The following LARP1 variants were observed in gnomAD, a reference collection of about 807,000 sequenced individuals.
LARP1 encodes la-related protein 1.
Under a neutral mutation model 122.7 loss-of-function variants are expected in LARP1, and 36 were observed. The ratio of observed to expected loss-of-function variants is 0.29; its 90% CI spans 0.22 to 0.39. LARP1 has a LOEUF of 0.39. LARP1 is among the 10% of genes least tolerant of loss of function. The probability of loss-of-function intolerance (pLI) is 1.00; values close to 1 mark genes in which losing one functional copy is unlikely to be tolerated. For synonymous variants in LARP1, 539 were observed against 528.7 expected, an observed-to-expected ratio of 1.02 and a Z score of -0.27; for missense variants, 1,040 against 1,403.6, an observed-to-expected ratio of 0.74 and a Z score of 4.14.
intron 1 of LARP1, among the ~76,000 whole-genome samples, chr5:154,747,773 A>G (rs1582270902): frequency 6.6e-6 from 1 of 152,286 alleles, no homozygotes; most frequent in East Asian, 1.9e-4. Flanking sequence ...CTGAGGCAGG[A>G]GAATCGCTTG....
intron 1 of LARP1, among the ~76,000 whole-genome samples, chr5:154,779,541 T>C (rs1756233189): frequency 6.8e-6 from 1 of 146,080 alleles, no homozygotes. Context: ...AGAGTTTTGC[T>C]GTTGTTGCCC....
chr5:154,703,479 A>T (rs1341102064), intron 1 of LARP1, among the ~76,000 whole-genome samples: 1 of 151,898 alleles, frequency 6.6e-6, no homozygotes, highest in Non-Finnish European at 1.5e-5. Flanking sequence ...CAGGCTGGGC[A>T]TGGGGGCCTC....
intron 1 of LARP1, among the ~76,000 whole-genome samples, chr5:154,766,814 ACC>A (rs1754993911): frequency 1.3e-5 from 2 of 152,206 alleles, no homozygotes. Context: ...AGTTAGGCTT[ACC>A]CAGCCCAGTT....
At chr5:154,768,730 C>T (rs1219836069) in intron 1 of LARP1, among the ~76,000 whole-genome samples, 5 of 151,988 alleles carry the variant, frequency 3.3e-5, no homozygotes, top group African/African-American at 9.7e-5. Flanking sequence ...TACAGGCACG[C>T]GCCACCATGC....
At chr5:154,805,669 A>C in intron 14 of LARP1, 1 of 537,196 alleles carries the variant, frequency 1.9e-6, no homozygotes, top group Non-Finnish European at 3.3e-6. Flanking sequence ...TAATCTCTGT[A>C]AGCCTCAGTA....
chr5:154,783,303 G>A (rs1272686091), intron 1 of LARP1, among the ~76,000 whole-genome samples: 4 of 152,190 alleles, frequency 2.6e-5, no homozygotes, highest in Non-Finnish European at 5.9e-5. Context: ...CCAGAGTGCT[G>A]GAGTTAGACT....
chr5:154,707,702 T>G (rs1009728813), intron 1 of LARP1, among the ~76,000 whole-genome samples: 2 of 152,168 alleles, frequency 1.3e-5, no homozygotes, highest in East Asian at 3.8e-4. Context: ...TTTCTATTAT[T>G]ATTATATTGT....
intron 1 of LARP1, among the ~76,000 whole-genome samples, chr5:154,706,368 A>G (rs954417596): frequency 1.3e-5 from 2 of 151,700 alleles, no homozygotes; most frequent in African/African-American, 2.4e-5. Flanking sequence ...GGAATACTAC[A>G]CAGCCATACA....
intron 1 of LARP1, among the ~76,000 whole-genome samples, chr5:154,741,884 A>G (rs2113462709): frequency 6.6e-6 from 1 of 152,326 alleles, no homozygotes; most frequent in East Asian, 1.9e-4. Flanking sequence ...GGAGGTTTAC[A>G]AAAAACACAC....
chr5:154,702,004 C>T (rs529383006), intron 1 of LARP1, among the ~76,000 whole-genome samples: 8 of 152,056 alleles, frequency 5.3e-5, no homozygotes, highest in African/African-American at 1.9e-4. Context: ...GACAGGAGCT[C>T]CCACAGACAC....
At chr5:154,693,383 A>T (rs1561529147) in intron 1 of LARP1, among the ~76,000 whole-genome samples, 3 of 152,206 alleles carry the variant, frequency 2.0e-5, no homozygotes, top group Non-Finnish European at 4.4e-5. Flanking sequence ...AAAAAAGAAT[A>T]GGGAGAGGGC....
chr5:154,794,221 T>C lies in LARP1; in HGVS notation c.1191T>C (p.Ser397=), dbSNP rs1387481611. 3 of 1,614,166 alleles carry C rather than the reference T, an allele frequency of 1.9e-6. No homozygotes were observed. The highest frequency in any genetic ancestry group is 2.5e-6 in the Non-Finnish European group (3 of 1,180,032). ...ATGTCAGCAGCACCGAGCTTTACAGTGTGGATCAGGAACTGCTCAAAGACT... is the reference window on the plus strand; with the variant it reads ...ATGTCAGCAGCACCGAGCTTTACAGCGTGGATCAGGAACTGCTCAAAGACT... The part of the protein sequence containing the change: ...FDNVSSTELY[S]VDQELLKDYI... The change falls in exon 7 of 19, where the codon AGT becomes AGC. Residue 397 remains serine, a synonymous_variant. Transcript: ENST00000518297.
At chr5:154,710,331 G>A (rs1268726528), upstream of LARP1, among the ~76,000 whole-genome samples, 3 of 152,082 alleles carry the variant, frequency 2.0e-5, no homozygotes, top group South Asian at 6.2e-4. Context: ...ATACTGAGAG[G>A]CCAGGCACAG....
intron 1 of LARP1, among the ~76,000 whole-genome samples, chr5:154,720,490 G>A (rs1755797917): frequency 6.6e-6 from 1 of 152,142 alleles, no homozygotes; most frequent in African/African-American, 2.4e-5. Flanking sequence ...TGAGGTAGGA[G>A]GATCACTTGA....
intron 1 of LARP1, among the ~76,000 whole-genome samples, chr5:154,726,129 C>T (rs559617343): frequency 2.8e-4 from 42 of 152,178 alleles, no homozygotes; most frequent in African/African-American, 7.9e-4. Flanking sequence ...TGTGAGCCAC[C>T]GCACCTGGCC....
At chr5:154,779,663 C>T (rs1756252909) in intron 1 of LARP1, among the ~76,000 whole-genome samples, 1 of 152,096 alleles carries the variant, frequency 6.6e-6, no homozygotes, top group Non-Finnish European at 1.5e-5. Flanking sequence ...CATGCGCCAC[C>T]ACACCTGGCT....
intron 1 of LARP1, among the ~76,000 whole-genome samples, chr5:154,770,865 C>A (rs746776302): frequency 6.6e-6 from 1 of 152,022 alleles, no homozygotes. Flanking sequence ...GTAATCCCAG[C>A]GCTTTGGGAG....
At chr5:154,770,927 A>G (rs965301735) in intron 1 of LARP1, among the ~76,000 whole-genome samples, 3 of 152,042 alleles carry the variant, frequency 2.0e-5, no homozygotes, top group Admixed American at 6.6e-5. Context: ...AGCCTGCCCA[A>G]TGTGGTGAAA....
Position 154,790,394 on chromosome 5 carries a change from A to AT in LARP1, c.498+9dup, listed in dbSNP as rs1212440922. Reference sequence around the variant, plus strand: ...CAGCGCAAAGGCAGCAAGGTAAAGAATAACAGTGGGCAACCCAAGGGGACT... The same window carrying AT: ...CAGCGCAAAGGCAGCAAGGTAAAGAATTAACAGTGGGCAACCCAAGGGGACT... On this transcript the variant is annotated intron_variant, in intron 2 of 18. Coordinates refer to ENST00000518297, the MANE Select transcript of LARP1 (RefSeq NM_033551.3). 5 of 1,612,816 alleles carry AT rather than the reference A, an allele frequency of 3.1e-6. No homozygotes were observed. The highest frequency in any genetic ancestry group is 4.2e-6 in the Non-Finnish European group (5 of 1,179,254).
Sources: gnomAD v4.1 joint callset for allele counts (sites outside exome capture counted in the v4.1 genomes callset) on GRCh38, gnomAD v4.1.1 for gene constraint, MANE v1.5 for transcripts, NCBI Gene and HGNC (gene_info 2026-07-23, HGNC 2026-07-21) for gene names.